The following DHRSX variants were observed in gnomAD, a reference collection of about 807,000 sequenced individuals.
DHRSX encodes dehydrogenase/reductase X-linked.
DHRSX carries 31 observed loss-of-function variants against 34.0 expected under a neutral mutation model. The ratio of observed to expected loss-of-function variants is 0.91; its 90% CI spans 0.69 to 1.23. The LOEUF is 1.23. Ranked by LOEUF, DHRSX falls within the 50% of genes most tolerant of loss-of-function variation. The probability of loss-of-function intolerance (pLI) is 0.00; values close to 1 mark genes in which losing one functional copy is unlikely to be tolerated. For missense variants in DHRSX, 414 were observed against 428.1 expected (o/e 0.97, Z 0.29); for synonymous variants, 201 against 183.8 (o/e 1.09, Z -0.76).
chrX:2,246,732 GAAAGAAAGA>G (rs1227500553), intron 5 of DHRSX, among the ~76,000 whole-genome samples: 4 of 110,938 alleles, frequency 3.6e-5, no homozygotes, highest in Non-Finnish European at 9.1e-5. Flanking sequence ...AAGAAAGAAA[GAAAGAAAGA>G]AAGAAAGAAA....
At position 2,348,697 on chromosome X, in the gene DHRSX, T is replaced by A. The variant is rs751280494; in HGVS notation, c.287-57094A>T. On this transcript the variant is annotated intron_variant, in intron 3 of 6. Coordinates refer to ENST00000334651, the MANE Select transcript of DHRSX (RefSeq NM_145177.3). ...CTTGTGGGTCTCTTATTTTTATTTTTTTTTTTTTTATTTTGTTTTGTTGAG... is the reference window on the plus strand; with the variant it reads ...CTTGTGGGTCTCTTATTTTTATTTTATTTTTTTTTATTTTGTTTTGTTGAG... Among the ~76,000 whole-genome samples, 183 of 151,918 alleles carry A rather than the reference T, an allele frequency of 1.2e-3. 1 individual carries two copies. Among genetic ancestry groups the A allele is most frequent in the African/African-American group, 3.1e-3 (129 of 41,464 alleles).
intron 5 of DHRSX, among the ~76,000 whole-genome samples, chrX:2,249,327 GGA>G (rs1353359811): frequency 6.7e-6 from 1 of 149,782 alleles, no homozygotes; most frequent in Non-Finnish European, 1.5e-5. Context: ...TGAGTAGCTG[GGA>G]CTACAGGCAC....
intron 3 of DHRSX, among the ~76,000 whole-genome samples, chrX:2,312,494 T>C (rs2042175517): frequency 1.3e-5 from 2 of 151,830 alleles, no homozygotes; most frequent in South Asian, 4.2e-4. Flanking sequence ...AAACACTGCA[T>C]GTTTTCACTC....
At chrX:2,326,129 T>A (rs1167033573) in intron 3 of DHRSX, among the ~76,000 whole-genome samples, 4 of 152,208 alleles carry the variant, frequency 2.6e-5, no homozygotes, top group Admixed American at 1.3e-4. Context: ...AGTGGAATTG[T>A]GCTTGTCTAG....
chrX:2,261,652 G>T (rs1376009530), intron 5 of DHRSX: 4 of 151,922 alleles, frequency 2.6e-5, no homozygotes, highest in African/African-American at 9.7e-5. Flanking sequence ...GGTGCCTGTA[G>T]TCCCAGCTGC....
At chrX:2,257,893 C>T (rs2041300843) in intron 5 of DHRSX, among the ~76,000 whole-genome samples, 1 of 152,164 alleles carries the variant, frequency 6.6e-6, no homozygotes, top group Non-Finnish European at 1.5e-5. Context: ...TCCCAAAGTG[C>T]TGGGATTACA....
intron 1 of DHRSX, among the ~76,000 whole-genome samples, chrX:2,432,188 C>T (rs1221378316): frequency 2.0e-5 from 3 of 151,240 alleles, no homozygotes; most frequent in South Asian, 2.1e-4. Context: ...AGCCAGACTC[C>T]GTCTCAAAAA....
At chrX:2,408,287 G>A (rs1282438989) in intron 3 of DHRSX, among the ~76,000 whole-genome samples, 2 of 151,936 alleles carry the variant, frequency 1.3e-5, no homozygotes, top group African/African-American at 4.8e-5. Flanking sequence ...TGTTGGCCAG[G>A]CTGGTCTCCA....
chrX:2,288,718 A>G (rs1159992993), intron 4 of DHRSX, among the ~76,000 whole-genome samples: 1 of 152,262 alleles, frequency 6.6e-6, no homozygotes, highest in African/African-American at 2.4e-5. Flanking sequence ...CATGGAAGAA[A>G]GGTCTAGATA....
At chrX:2,303,928 G>GAT (rs1251605825) in intron 3 of DHRSX, among the ~76,000 whole-genome samples, 8 of 149,456 alleles carry the variant, frequency 5.4e-5, no homozygotes, top group African/African-American at 1.7e-4. Context: ...TGGATGGATG[G>GAT]GTGGGTGGGT....
chrX:2,372,809 A>C (rs1010775990), intron 3 of DHRSX, among the ~76,000 whole-genome samples: 1 of 151,812 alleles, frequency 6.6e-6, no homozygotes, highest in Non-Finnish European at 1.5e-5. Flanking sequence ...ACGGGGTTTC[A>C]TCATGTTGGC....
At chrX:2,353,887 A>T (rs1460497633) in intron 3 of DHRSX, among the ~76,000 whole-genome samples, 2 of 151,924 alleles carry the variant, frequency 1.3e-5, no homozygotes, top group Non-Finnish European at 2.9e-5. Flanking sequence ...CGTGGTTTTT[A>T]AGGGCCAGCA....
Position 2,227,507 on chromosome X carries a change from GAGAGAGAAAGGAAGC to G in DHRSX, c.805-6293_805-6279del, listed in dbSNP as rs370015136. 2.5e-3 allele frequency among the ~76,000 whole-genome samples: 334 copies of G among 133,740 alleles called. 3 individuals carry two copies. Among genetic ancestry groups the G allele is most frequent in the African/African-American group, 9.4e-3 (328 of 35,062 alleles). 87.7% of individuals were successfully genotyped at this position (133,740 alleles called of 152,430 possible). A position where few individuals can be genotyped will look rare whatever the true frequency, so the allele number is the denominator to read the frequency against. ...ACAAGACAGAAAAGAGGGAAGGAAG[GAGAGAGAAAGGAAGC>G]AGAGAAGAAAGGAGGGAGGAAGAAA... On this transcript the variant is annotated intron_variant, in intron 6 of 6. Transcript: ENST00000334651.
intron 1 of DHRSX, among the ~76,000 whole-genome samples, chrX:2,467,677 C>G (rs2044517506): frequency 6.6e-6 from 1 of 152,028 alleles, no homozygotes; most frequent in Admixed American, 6.6e-5. Flanking sequence ...CCAGGTGGAT[C>G]AAGAATAAAA....
chrX:2,352,706 C>T (rs1445857039), intron 3 of DHRSX, among the ~76,000 whole-genome samples: 5 of 152,240 alleles, frequency 3.3e-5, no homozygotes, highest in South Asian at 2.1e-4. Flanking sequence ...GGGGATACAG[C>T]AGAGGTGTGT....
intron 2 of DHRSX, among the ~76,000 whole-genome samples, chrX:2,414,555 T>G (rs1953098714): frequency 6.6e-6 from 1 of 151,408 alleles, no homozygotes; most frequent in South Asian, 2.1e-4. Flanking sequence ...GACCTAATTA[T>G]ATCTCATCAT....
chrX:2,459,648 A>G (rs1454561105), intron 1 of DHRSX, among the ~76,000 whole-genome samples: 1 of 151,482 alleles, frequency 6.6e-6, no homozygotes, highest in Non-Finnish European at 1.5e-5. Context: ...TAAATTTTCT[A>G]TAAAAGTGAC....
chrX:2,486,078 C>G (rs777211403), intron 1 of DHRSX, among the ~76,000 whole-genome samples: 1 of 151,908 alleles, frequency 6.6e-6, no homozygotes, highest in Non-Finnish European at 1.5e-5. Flanking sequence ...TGATGCCATC[C>G]GGATCCATCC....
chrX:2,467,796 GA>G (rs1344078287), intron 1 of DHRSX, among the ~76,000 whole-genome samples: 1 of 151,992 alleles, frequency 6.6e-6, no homozygotes, highest in African/African-American at 2.4e-5. Context: ...CCAACATGGA[GA>G]AACCTCATCT....
Sources: gnomAD v4.1 joint callset for allele counts (sites outside exome capture counted in the v4.1 genomes callset) on GRCh38, gnomAD v4.1.1 for gene constraint, MANE v1.5 for transcripts, NCBI Gene and HGNC (gene_info 2026-07-23, HGNC 2026-07-21) for gene names.